Variants in MACROD2 observed in about 807,000 individuals in gnomAD.
MACROD2 encodes the protein mono-ADP ribosylhydrolase 2, also known as ADP-ribose glycohydrolase MACROD2.
In MACROD2, 36 loss-of-function variants were observed where a neutral mutation model predicts 70.4. The observed-to-expected ratio is 0.51, with a 90% CI of 0.39 to 0.68. The LOEUF (loss-of-function observed/expected upper bound fraction) is 0.68. MACROD2 is among the 30% of genes least tolerant of loss of function. The probability of loss-of-function intolerance (pLI) is 0.00; values close to 1 mark genes in which losing one functional copy is unlikely to be tolerated. For missense variants in MACROD2, 496 were observed against 538.4 expected (o/e 0.92, Z 0.78); for synonymous variants, 172 against 178.8 (o/e 0.96, Z 0.30).
chr20:15,650,228 G>T (rs2049622671), intron 8 of MACROD2, among the ~76,000 whole-genome samples: 1 of 152,032 alleles, frequency 6.6e-6, no homozygotes. Context: ...ATCCAAACAG[G>T]TTTTCTTAAA....
chr20:14,071,156 T>A (rs891041534), intron 2 of MACROD2, among the ~76,000 whole-genome samples: 1 of 152,122 alleles, frequency 6.6e-6, no homozygotes, highest in African/African-American at 2.4e-5. Flanking sequence ...AATATACTTA[T>A]GATTTTAATG....
At position 15,448,603 on chromosome 20, in the gene MACROD2, T is replaced by TA. The variant is rs920442997; in HGVS notation, c.571+17175dup. Among the ~76,000 whole-genome samples the TA allele has an allele frequency of 6.2e-4, 94 of 152,066 alleles. 1 individual carries two copies. Among genetic ancestry groups the TA allele is most frequent in the African/African-American group, 2.1e-3 (86 of 41,414 alleles). On this transcript the variant is annotated intron_variant, in intron 7 of 17. Coordinates refer to ENST00000684519, the MANE Select transcript of MACROD2 (RefSeq NM_001351661.2). ...TTAAATAAATGCATACATGTTCCTGTAAAAAAAGAAGCACTATGGTCTATC... is the reference window on the plus strand; with the variant it reads ...TTAAATAAATGCATACATGTTCCTGTAAAAAAAAGAAGCACTATGGTCTATC...
intron 6 of MACROD2, among the ~76,000 whole-genome samples, chr20:15,325,267 C>A (rs1239033832): frequency 6.6e-6 from 1 of 152,024 alleles, no homozygotes; most frequent in African/African-American, 2.4e-5. Context: ...GAACATTTGG[C>A]CAAAGTCTAT....
At chr20:15,465,347 G>C (rs571421227) in intron 7 of MACROD2, among the ~76,000 whole-genome samples, 1 of 152,346 alleles carries the variant, frequency 6.6e-6, no homozygotes, top group Non-Finnish European at 1.5e-5. Flanking sequence ...CCAGCATTTA[G>C]CCACTCAAGC....
intron 5 of MACROD2, among the ~76,000 whole-genome samples, chr20:15,031,891 C>T (rs997767694): frequency 1.3e-5 from 2 of 152,114 alleles, no homozygotes; most frequent in Non-Finnish European, 2.9e-5. Context: ...CTCCCCAGGA[C>T]CCTTTCTGCC....
chr20:14,873,680 T>C (rs545654037), intron 5 of MACROD2, among the ~76,000 whole-genome samples: 2 of 152,024 alleles, frequency 1.3e-5, no homozygotes, highest in Non-Finnish European at 2.9e-5. Context: ...CTGGCTAACA[T>C]AAACCCTGTC....
chr20:14,089,740 C>T (rs2054123686), intron 3 of MACROD2, among the ~76,000 whole-genome samples: 1 of 151,994 alleles, frequency 6.6e-6, no homozygotes, highest in South Asian at 2.1e-4. Context: ...TTATCATAAC[C>T]AAGGCCATTT....
At chr20:14,600,157 A>G (rs1295121358) in intron 4 of MACROD2, among the ~76,000 whole-genome samples, 2 of 152,034 alleles carry the variant, frequency 1.3e-5, no homozygotes, top group Non-Finnish European at 1.5e-5. Flanking sequence ...AATGCACACA[A>G]AAAAACTGGA....
intron 5 of MACROD2, among the ~76,000 whole-genome samples, chr20:15,141,467 G>T (rs1480751398): frequency 6.6e-6 from 1 of 152,086 alleles, no homozygotes. Flanking sequence ...AAGTGATCTG[G>T]CTCCATAACT....
Position 14,195,403 on chromosome 20 carries a change from A to G in MACROD2, c.271+109675A>G, listed in dbSNP as rs1359173137. On this transcript the variant is annotated intron_variant, in intron 3 of 17. Transcript: ENST00000684519. ...AGGGAAGTGCTGGGAAGGGAAGGGC[A>G]TGGTCCCTTTCAATGATACGGAAGG... 1.3e-5 allele frequency among the ~76,000 whole-genome samples: 2 copies of G among 152,048 alleles called. 1 individual carries two copies. Among genetic ancestry groups the G allele is most frequent in the South Asian group, 4.1e-4 (2 of 4,822 alleles).
At chr20:14,239,714 C>T (rs903667386) in intron 3 of MACROD2, among the ~76,000 whole-genome samples, 8 of 152,164 alleles carry the variant, frequency 5.3e-5, no homozygotes, top group African/African-American at 1.9e-4. Context: ...AATGTAAAAC[C>T]TGAAACTATA....
chr20:15,191,916 GTA>G (rs747272073), intron 5 of MACROD2, among the ~76,000 whole-genome samples: 4 of 63,408 alleles, frequency 6.3e-5, no homozygotes, highest in African/African-American at 1.5e-4. Flanking sequence ...ACACATATGT[GTA>G]TATATATATA....
At chr20:14,204,864 A>G (rs1044176797) in intron 3 of MACROD2, among the ~76,000 whole-genome samples, 2 of 152,008 alleles carry the variant, frequency 1.3e-5, no homozygotes, top group Non-Finnish European at 2.9e-5. Context: ...CCTTACCTCA[A>G]TTATTATTAT....
intron 5 of MACROD2, among the ~76,000 whole-genome samples, chr20:14,899,787 A>G (rs1393010259): frequency 6.6e-6 from 1 of 152,178 alleles, no homozygotes; most frequent in Non-Finnish European, 1.5e-5. Flanking sequence ...ATATTGACTC[A>G]TTTCTGGAAG....
chr20:15,703,950 A>G (rs1329512428), intron 8 of MACROD2, among the ~76,000 whole-genome samples: 1 of 152,052 alleles, frequency 6.6e-6, no homozygotes, highest in Non-Finnish European at 1.5e-5. Flanking sequence ...CAGAAATCAC[A>G]CTCTATTATT....
At chr20:15,726,896 G>T (rs758771244) in intron 8 of MACROD2, among the ~76,000 whole-genome samples, 2 of 152,108 alleles carry the variant, frequency 1.3e-5, no homozygotes, top group Non-Finnish European at 2.9e-5. Flanking sequence ...TTACTCTGTT[G>T]ATAGTTTCTT....
intron 3 of MACROD2, among the ~76,000 whole-genome samples, chr20:14,178,725 G>A (rs1031829012): frequency 1.5e-5 from 2 of 137,672 alleles, no homozygotes; most frequent in East Asian, 2.1e-4. Flanking sequence ...AGCCAAGTCA[G>A]CTTTTTTTTT....
intron 3 of MACROD2, among the ~76,000 whole-genome samples, chr20:14,180,227 A>G (rs11908581): frequency 0.02 from 2,996 of 152,094 alleles, 101 homozygotes; most frequent in African/African-American, 0.069. Flanking sequence ...AAAAAAAAGG[A>G]TGGAGAGTTT....
At chr20:14,732,282 G>A (rs1343320430) in intron 5 of MACROD2, among the ~76,000 whole-genome samples, 1 of 152,130 alleles carries the variant, frequency 6.6e-6, no homozygotes, top group African/African-American at 2.4e-5. Flanking sequence ...GGGGGCAGGT[G>A]TTTCTAGTAT....
Sources: gnomAD v4.1 joint callset for allele counts (sites outside exome capture counted in the v4.1 genomes callset) on GRCh38, gnomAD v4.1.1 for gene constraint, MANE v1.5 for transcripts, NCBI Gene and HGNC (gene_info 2026-07-23, HGNC 2026-07-21) for gene names.